SAMD11: variants seen among roughly 807,000 people sequenced by gnomAD.
SAMD11 encodes the protein sterile alpha motif domain containing 11, also known as sterile alpha motif domain-containing protein 11.
In SAMD11, 77 loss-of-function variants were observed where a neutral mutation model predicts 64.4. The ratio of observed to expected loss-of-function variants is 1.20; its 90% CI spans 0.99 to 1.44. The LOEUF (loss-of-function observed/expected upper bound fraction) is 1.44. Ranked by LOEUF, SAMD11 falls within the 40% of genes most tolerant of loss-of-function variation. SAMD11 has a pLI of 0.00. For synonymous variants in SAMD11, 658 were observed against 421.9 expected, an observed-to-expected ratio of 1.56 and a Z score of -6.86; for missense variants, 1,402 against 943.3, an observed-to-expected ratio of 1.49 and a Z score of -6.37.
intron 13 of SAMD11, 47 bp from the exon 14 acceptor site, chr1:943,861 G>A (rs1641982651): frequency 1.9e-6 from 3 of 1,612,888 alleles, no homozygotes; most frequent in African/African-American, 2.7e-5. Context: ...TGGGCAGAAA[G>A]CTCTGGGTGG....
chr1:925,920 A>C lies in SAMD11; in HGVS notation c.518-2A>C. The C allele has an allele frequency of 6.2e-7, 1 of 1,608,368 alleles. No individual in the cohort carries two copies. Among genetic ancestry groups the C allele is most frequent in the Non-Finnish European group, 8.5e-7 (1 of 1,177,476 alleles). Reference sequence around the variant, plus strand: ...CAGGGTCTGCCTCGGCTCTGCTCGCAGGGAAAAGTCTGAAGACGCTTATGT... The same window carrying C: ...CAGGGTCTGCCTCGGCTCTGCTCGCCGGGAAAAGTCTGAAGACGCTTATGT... On this transcript the variant is annotated splice_acceptor_variant, in intron 1 of 13. Transcript: ENST00000616016. LOFTEE classifies it high-confidence loss of function.
In SAMD11 at chr1:943,989, C is replaced by G; in HGVS notation, c.2371C>G (p.Pro791Ala). The G allele has an allele frequency of 6.2e-7, 1 of 1,612,866 alleles. No homozygotes were observed. The highest frequency in any genetic ancestry group is 8.5e-7 in the Non-Finnish European group (1 of 1,179,986). ...LPLQPPTLRA[P>A]ERELGTGEQP... ...ACTGCAGCCACCAACCCTGCGGGCCCCGGAGCGAGAACTCGGCACAGGAGA... is the reference window on the plus strand; with the variant it reads ...ACTGCAGCCACCAACCCTGCGGGCCGCGGAGCGAGAACTCGGCACAGGAGA... The change falls in exon 14 of 14, where the codon CCG (proline) becomes GCG (alanine). Residue 791 changes from proline to alanine, a missense_variant. Coordinates refer to ENST00000616016, the MANE Select transcript of SAMD11 (RefSeq NM_001385641.1).
At chr1:927,198 CCT>C (rs767169280) in intron 2 of SAMD11, among the ~76,000 whole-genome samples, 50 of 152,330 alleles carry the variant, frequency 3.3e-4, no homozygotes, top group Non-Finnish European at 5.6e-4. Flanking sequence ...CCGGCAGCCC[CCT>C]GTCTGCTGTC....
intron 4 of SAMD11, 21 bp downstream of exon 4, chr1:931,110 G>T (rs1001799746): frequency 1.2e-6 from 2 of 1,608,310 alleles, no homozygotes; most frequent in African/African-American, 1.3e-5. Flanking sequence ...TGCTGTGCGT[G>T]CATAAGAGGG....
rs1423075989 is a variant in SAMD11, at chr1:942,679, G to A, written c.1674G>A (p.Gly558=). 1 of 1,433,746 alleles carries A rather than the reference G, an allele frequency of 7.0e-7. No individual in the cohort carries two copies. The highest frequency in any genetic ancestry group is 1.4e-5 in the South Asian group (1 of 70,620). The allele number at this position is 1,433,746 out of a possible 1,614,324, so 88.8% of individuals were successfully genotyped here. ...NDGAEELQRR[G]ALLVLNHGAA... Reference sequence around the variant, plus strand: ...GCGCCGAGGAGCTGCAGCGGCGCGGGGCCCTGCTGGTGCTGAACCACGGCG... The same window carrying A: ...GCGCCGAGGAGCTGCAGCGGCGCGGAGCCCTGCTGGTGCTGAACCACGGCG... The change falls in exon 11 of 14, where the codon GGG becomes GGA. Residue 558 remains glycine (G), a synonymous_variant. Coordinates refer to ENST00000616016, the MANE Select transcript of SAMD11 (RefSeq NM_001385641.1).
At chr1:925,895 C>A in intron 1 of SAMD11, 27 bp from the exon 2 acceptor site, 1 of 1,548,968 alleles carries the variant, frequency 6.5e-7, no homozygotes, top group Non-Finnish European at 8.9e-7. Flanking sequence ...CGCTCCCTCA[C>A]AGGGTCTGCC....
Position 941,403 on chromosome 1 carries a change from T to C in SAMD11, c.1358+97T>C, listed in dbSNP as rs1309532229. The C allele has an allele frequency of 2.4e-6, 3 of 1,230,266 alleles. No individual in the cohort carries two copies. The Admixed American group carries it at 8.2e-5, about 33-fold the overall frequency. 76.2% of individuals were successfully genotyped at this position (1,230,266 alleles called of 1,614,324 possible). On this transcript the variant is annotated intron_variant, in intron 8 of 13. Transcript: ENST00000616016. Reference sequence around the variant, plus strand: ...CACGCGCCCCGAGAGTGCCAAGCACTGTGTTCAGCTCTAGGTTCGGGTCCG... The same window carrying C: ...CACGCGCCCCGAGAGTGCCAAGCACCGTGTTCAGCTCTAGGTTCGGGTCCG...
At chr1:929,881 G>A (rs114608936) in intron 2 of SAMD11, among the ~76,000 whole-genome samples, 1,864 of 152,298 alleles carry the variant, frequency 0.012, 16 homozygotes, top group African/African-American at 0.031. Flanking sequence ...GGCGTCGTCT[G>A]TAGGGGGATG....
At chr1:939,206 G>C in intron 6 of SAMD11, 69 bp from the exon 7 acceptor site, 1 of 1,552,310 alleles carries the variant, frequency 6.4e-7, no homozygotes. Flanking sequence ...ACCTCGAGCA[G>C]GCACTCTAGA....
intron 4 of SAMD11, among the ~76,000 whole-genome samples, chr1:932,121 C>G (rs1395943170): frequency 6.6e-6 from 1 of 152,260 alleles, no homozygotes; most frequent in South Asian, 2.1e-4. Flanking sequence ...AAACTTATTT[C>G]TACCTCATTT....
intron 4 of SAMD11, 114 bp from the exon 5 acceptor site, chr1:935,658 C>A: frequency 7.1e-7 from 1 of 1,401,872 alleles, no homozygotes; most frequent in Admixed American, 1.9e-5. Flanking sequence ...AGCAACGTGG[C>A]ACTCAGAGGT....
intron 1 of SAMD11, 34 bp downstream of exon 1, chr1:924,982 G>GCGGGCC (rs1640805577): frequency 6.6e-6 from 1 of 152,116 alleles, no homozygotes; most frequent in Non-Finnish European, 1.5e-5. Flanking sequence ...GCCGGGACCC[G>GCGGGCC]CGGGCCCCGA....
rs1330895378 is a variant in SAMD11 at position 941,147 on chromosome 1, T to C, written c.1199T>C (p.Leu400Pro). 2 of 1,597,760 alleles carry C rather than the reference T, an allele frequency of 1.3e-6. No homozygotes were observed. The change falls in exon 8 of 14, where the codon CTC (leucine) becomes CCC (proline). Residue 400 changes from leucine (L) to proline (P), a missense_variant. Leu to Pro is a moderately conservative substitution (Grantham distance 98). Coordinates refer to ENST00000616016, the MANE Select transcript of SAMD11 (RefSeq NM_001385641.1). The stretch of plus-strand genomic sequence containing the variant: ...ACTGCTGTTGTCCCCCACCCAGATC[T>C]CCTGAGGGTCCGGCAGGAGGTGGCG... ...LYHLGLPSHD[L>P]LRVRQEVAAA...
intron 2 of SAMD11, 131 bp from the exon 3 acceptor site, chr1:930,024 G>T (rs1431657897): frequency 8.1e-6 from 9 of 1,105,262 alleles, no homozygotes; most frequent in Non-Finnish European, 1.1e-5. Flanking sequence ...CGTGCTTGGG[G>T]CTCGGCCTGG....
intron 5 of SAMD11, among the ~76,000 whole-genome samples, chr1:937,341 G>C (rs1322101703): frequency 2.0e-5 from 3 of 152,086 alleles, no homozygotes; most frequent in Non-Finnish European, 4.4e-5. Context: ...TGAGTGAGGA[G>C]TGAGCATGGC....
Position 943,812 on chromosome 1 carries a change from A to C in SAMD11, c.2289+4A>C. 3.7e-6 allele frequency: 6 copies of C among 1,612,864 alleles called. No individual in the cohort carries two copies. The highest frequency in any genetic ancestry group is 5.1e-6 in the Non-Finnish European group (6 of 1,179,960). ...CGCCCTCAAGATCCGGGCCCAGGTG[A>C]GACGCTGGGGAGTGAGGTCAGGGTC... On this transcript the variant is annotated splice_donor_region_variant and intron_variant, in intron 13 of 13. Coordinates refer to ENST00000616016, the MANE Select transcript of SAMD11 (RefSeq NM_001385641.1).
chr1:928,127 C>A (rs942241576), intron 2 of SAMD11, among the ~76,000 whole-genome samples: 1 of 152,170 alleles, frequency 6.6e-6, no homozygotes, highest in South Asian at 2.1e-4. Context: ...GGTGTGGTGG[C>A]GCATGCCTGT....
In SAMD11 at chr1:942,970, A is replaced by G. The variant is rs750988618; in HGVS notation, c.1965A>G (p.Gly655=). 8.4e-6 allele frequency: 13 copies of G among 1,540,960 alleles called. No homozygotes were observed. The highest frequency in any genetic ancestry group is 1.4e-5 in the African/African-American group (1 of 71,982). ...RGPTPGQAPA[G]GAGAEGKGLF... is the part of the protein sequence containing the mutation. ...CCACTCCGGGCCAAGCTCCAGCTGG[A>G]GGGGCCGGCGCCGAGGGGAAGGGGC... Residue 655 remains glycine, a synonymous_variant, in exon 11 of 14, where the codon GGA becomes GGG. Transcript: ENST00000616016.
intron 12 of SAMD11, 116 bp downstream of exon 12, chr1:943,493 A>G (rs1641943528): frequency 9.8e-7 from 1 of 1,024,696 alleles, no homozygotes. Context: ...CCCCAAAAGC[A>G]GTGCGCAGCA....
Sources: allele counts gnomAD v4.1 joint callset (sites outside exome capture counted in the v4.1 genomes callset), GRCh38; gene constraint gnomAD v4.1.1; transcripts MANE v1.5; gene names NCBI Gene and HGNC (gene_info 2026-07-23, HGNC 2026-07-21).